KLHDC1: variants seen among roughly 807,000 people sequenced by gnomAD.
The protein encoded by KLHDC1 is kelch domain containing 1.
Under a neutral mutation model 68.3 loss-of-function variants are expected in KLHDC1, and 53 were observed. The ratio of observed to expected loss-of-function variants is 0.78; its 90% confidence interval spans 0.62 to 0.98. KLHDC1 has a LOEUF of 0.98. KLHDC1 is among the 50% of genes least tolerant of loss of function. The pLI is 0.00. For missense variants in KLHDC1, 470 were observed against 492.3 expected (o/e 0.95, Z 0.43); for synonymous variants, 148 against 159.0 (o/e 0.93, Z 0.52).
intron 5 of KLHDC1, among the ~76,000 whole-genome samples, chr14:49,725,083 A>G (rs917610544): frequency 1.6e-4 from 25 of 152,182 alleles, no homozygotes; most frequent in African/African-American, 5.5e-4. Context: ...CTGACACACA[A>G]TATAAAACTG....
At chr14:49,729,134 TTTTA>T (rs1349004991) in intron 7 of KLHDC1, 125 bp downstream of exon 7, 11 of 664,648 alleles carry the variant, frequency 1.7e-5, no homozygotes, top group Admixed American at 1.1e-4. Flanking sequence ...TCAATACTAA[TTTTA>T]TTTATCTTCT....
chr14:49,751,573 G>A lies in KLHDC1; in HGVS notation c.1035-13G>A. 1 of 1,387,192 alleles carries A rather than the reference G, an allele frequency of 7.2e-7. No individual in the cohort carries two copies. The highest frequency in any genetic ancestry group is 9.7e-7 in the Non-Finnish European group (1 of 1,031,050). The allele number at this position is 1,387,192 out of a possible 1,614,324, so 85.9% of individuals were successfully genotyped here. ...GGTTCAAGACTAATAATTCTGTTATGTTTTATTTACAGGTCATGCCTTGAC... is the reference window on the plus strand; with the variant it reads ...GGTTCAAGACTAATAATTCTGTTATATTTTATTTACAGGTCATGCCTTGAC... On this transcript the variant is annotated splice_polypyrimidine_tract_variant and intron_variant, in intron 12 of 12. Transcript: ENST00000359332.
chr14:49,718,720 C>T (rs1888441600), intron 4 of KLHDC1, among the ~76,000 whole-genome samples: 2 of 148,938 alleles, frequency 1.3e-5, no homozygotes, highest in Non-Finnish European at 3.0e-5. Context: ...TTGATCTTTT[C>T]AAAGAATCAA....
intron 5 of KLHDC1, among the ~76,000 whole-genome samples, chr14:49,725,022 T>C (rs1888630808): frequency 6.6e-6 from 1 of 152,134 alleles, no homozygotes; most frequent in Non-Finnish European, 1.5e-5. Context: ...GTAAATTGTT[T>C]AGCTTATTTT....
At chr14:49,728,278 G>A (rs571808967) in intron 6 of KLHDC1, among the ~76,000 whole-genome samples, 18 of 152,328 alleles carry the variant, frequency 1.2e-4, no homozygotes, top group African/African-American at 3.6e-4. Flanking sequence ...AGCCGAGATT[G>A]TGCCATTGCA....
intron 4 of KLHDC1, among the ~76,000 whole-genome samples, chr14:49,713,393 T>C (rs896024044): frequency 6.6e-6 from 1 of 152,210 alleles, no homozygotes; most frequent in Non-Finnish European, 1.5e-5. Flanking sequence ...CTATTATTTG[T>C]TCTTAATTTA....
chr14:49,730,502 G>C (rs982765365), intron 8 of KLHDC1, among the ~76,000 whole-genome samples: 2 of 152,064 alleles, frequency 1.3e-5, no homozygotes, highest in African/African-American at 4.8e-5. Flanking sequence ...TTACAGGCAT[G>C]AGCCACCGTG....
chr14:49,750,680 A>C (rs1361211943), intron 12 of KLHDC1, among the ~76,000 whole-genome samples: 2 of 152,170 alleles, frequency 1.3e-5, no homozygotes, highest in Admixed American at 6.6e-5. Context: ...TTATTAATTG[A>C]AACAGATGCT....
intron 10 of KLHDC1, among the ~76,000 whole-genome samples, chr14:49,737,241 A>G (rs2139763036): frequency 6.6e-6 from 1 of 152,256 alleles, no homozygotes; most frequent in South Asian, 2.1e-4. Flanking sequence ...GAAGATTTAT[A>G]TCAATGTATC....
intron 9 of KLHDC1, among the ~76,000 whole-genome samples, chr14:49,733,190 G>T (rs1373868699): frequency 6.6e-6 from 1 of 152,118 alleles, no homozygotes; most frequent in Non-Finnish European, 1.5e-5. Flanking sequence ...GCCTTTCTTA[G>T]AAGGCCCTGG....
At chr14:49,694,541 T>C (rs554070424) in intron 1 of KLHDC1, among the ~76,000 whole-genome samples, 1 of 152,098 alleles carries the variant, frequency 6.6e-6, no homozygotes, top group Non-Finnish European at 1.5e-5. Context: ...CATGCAATAG[T>C]ATTATGTGTA....
At chr14:49,711,138 G>A (rs1321259636) in intron 4 of KLHDC1, among the ~76,000 whole-genome samples, 1 of 151,994 alleles carries the variant, frequency 6.6e-6, no homozygotes, top group Non-Finnish European at 1.5e-5. Context: ...GATTACAGGT[G>A]CCTGCCACCA....
chr14:49,741,426 C>T lies in KLHDC1; in HGVS notation c.981+1244C>T, dbSNP rs554865292. 1.1e-4 allele frequency among the ~76,000 whole-genome samples: 17 copies of T among 152,090 alleles called. No individual in the cohort carries two copies. In the East Asian group the frequency reaches 2.9e-3, roughly 26 times the overall value. On this transcript the variant is annotated intron_variant, in intron 11 of 12. Coordinates refer to ENST00000359332, the MANE Select transcript of KLHDC1 (RefSeq NM_172193.3). ...GTTCAAGCGATTCTCCGGCCTCAGC[C>T]TCCCAAGTAGCTGGGATTACAGGCG...
intron 7 of KLHDC1, 42 bp downstream of exon 7, chr14:49,729,051 T>A: frequency 7.6e-7 from 1 of 1,309,854 alleles, no homozygotes; most frequent in Non-Finnish European, 1.1e-6. Flanking sequence ...TGTGCAATGC[T>A]CCTTATAAAA....
In KLHDC1 at chr14:49,721,400, C is replaced by T. The variant is rs144022361; in HGVS notation, c.405-2474C>T. The stretch of plus-strand genomic sequence containing the variant: ...GTCTCCTTATGTTGCCCAGGCTGAT[C>T]TCAAACTCCTGCCCTCAAGCAATCC... On this transcript the variant is annotated intron_variant, in intron 4 of 12. Transcript: ENST00000359332. Among the ~76,000 whole-genome samples, 797 of 152,042 alleles carry T rather than the reference C, an allele frequency of 5.2e-3. 6 individuals are homozygous for T. Among genetic ancestry groups the T allele is most frequent in the African/African-American group, 0.018 (764 of 41,464 alleles).
intron 9 of KLHDC1, among the ~76,000 whole-genome samples, chr14:49,734,124 C>T (rs978201683): frequency 2.7e-4 from 41 of 152,220 alleles, no homozygotes; most frequent in African/African-American, 9.4e-4. Flanking sequence ...ATTAAATGTC[C>T]TAACTCATAA....
In KLHDC1 at chr14:49,751,825, A is replaced by C; in HGVS notation, c.*53A>C. On this transcript the variant is annotated 3_prime_UTR_variant, in exon 13 of 13. Transcript: ENST00000359332. ...TGTTTTAACTTTTTAATCAGACTATACATTTACACTCCCAAATTGCAGGCT... is the reference window on the plus strand; with the variant it reads ...TGTTTTAACTTTTTAATCAGACTATCCATTTACACTCCCAAATTGCAGGCT... 4.7e-6 allele frequency: 4 copies of C among 859,138 alleles called. No homozygotes were observed. Among genetic ancestry groups the C allele is most frequent in the Non-Finnish European group, 6.7e-6 (4 of 598,398 alleles). 53.2% of individuals were successfully genotyped at this position (859,138 alleles called of 1,614,324 possible).
chr14:49,741,663 A>G (rs1399651934), intron 11 of KLHDC1, among the ~76,000 whole-genome samples: 1 of 152,112 alleles, frequency 6.6e-6, no homozygotes, highest in Non-Finnish European at 1.5e-5. Flanking sequence ...TTTTACATTT[A>G]AGTTTAAAGC....
intron 1 of KLHDC1, among the ~76,000 whole-genome samples, chr14:49,694,393 A>G (rs1887672910): frequency 6.6e-6 from 1 of 152,152 alleles, no homozygotes; most frequent in Non-Finnish European, 1.5e-5. Context: ...TGACTGAATC[A>G]TATTGAAATG....
Sources: allele counts gnomAD v4.1 joint callset (sites outside exome capture counted in the v4.1 genomes callset), GRCh38; gene constraint gnomAD v4.1.1; transcripts MANE v1.5; gene names NCBI Gene and HGNC (gene_info 2026-07-23, HGNC 2026-07-21).